The following SNX1 variants were observed in gnomAD, a reference collection of about 807,000 sequenced individuals.
SNX1 encodes sorting nexin-1.
SNX1 carries 36 observed loss-of-function variants against 71.8 expected under a neutral mutation model. The ratio of observed to expected loss-of-function variants is 0.50; its 90% CI spans 0.38 to 0.66. SNX1 has a LOEUF of 0.66. SNX1 is among the 30% of genes least tolerant of loss of function. SNX1 has a pLI of 0.00. For missense variants in SNX1, 612 were observed against 646.7 expected (o/e 0.95, Z 0.58); for synonymous variants, 254 against 240.7 (o/e 1.06, Z -0.51).
In SNX1 at chr15:64,096,086, T is replaced by G; in HGVS notation, c.73T>G (p.Ser25Ala). 6.4e-7 allele frequency: 1 copy of G among 1,573,716 alleles called. No homozygotes were observed. The highest frequency in any genetic ancestry group is 8.6e-7 in the Non-Finnish European group (1 of 1,162,676). ...PPPFPGLEPESEGAAGGSEPE... is the reference protein window; with the variant it reads ...PPPFPGLEPEAEGAAGGSEPE... ...GCCCTTCCCCGGCCTGGAGCCGGAG[T>G]CCGAGGGGGCGGCCGGGGGATCAGA... The change falls in exon 1 of 15, where the codon TCC becomes GCC. Residue 25 changes from serine (S) to alanine (A), a missense_variant. Physicochemically the swap from Ser to Ala is moderately conservative, Grantham distance 99. Transcript: ENST00000559844.
chr15:64,114,977 T>C (rs534109024), intron 2 of SNX1, among the ~76,000 whole-genome samples: 3 of 152,218 alleles, frequency 2.0e-5, no homozygotes, highest in South Asian at 2.1e-4. Flanking sequence ...CTCGTCTCTA[T>C]TAAAAAATAA....
At chr15:64,097,680 C>A (rs915775318) in intron 1 of SNX1, among the ~76,000 whole-genome samples, 2 of 152,136 alleles carry the variant, frequency 1.3e-5, no homozygotes, top group Non-Finnish European at 2.9e-5. Context: ...ATGTTTTGGG[C>A]TATTTTATGA....
chr15:64,112,728 C>A, intron 2 of SNX1, 44 bp downstream of exon 2: 1 of 1,257,072 alleles, frequency 8.0e-7, no homozygotes, highest in Non-Finnish European at 1.1e-6. Flanking sequence ...TCCTAAATGG[C>A]TTTGTTAAGT....
At chr15:64,109,668 C>T (rs1457031012) in intron 1 of SNX1, among the ~76,000 whole-genome samples, 1 of 151,944 alleles carries the variant, frequency 6.6e-6, no homozygotes, top group Non-Finnish European at 1.5e-5. Context: ...CCAACACACC[C>T]GGCTAATTTT....
intron 1 of SNX1, among the ~76,000 whole-genome samples, chr15:64,107,774 G>A (rs2081037421): frequency 1.3e-5 from 2 of 151,280 alleles, no homozygotes; most frequent in Admixed American, 1.3e-4. Context: ...GCGATTCTTT[G>A]GCATTATTTA....
intron 1 of SNX1, among the ~76,000 whole-genome samples, chr15:64,107,889 G>A (rs1460499920): frequency 6.6e-6 from 1 of 152,148 alleles, no homozygotes; most frequent in Non-Finnish European, 1.5e-5. Context: ...CTGCTAAGGA[G>A]TTTTTTAAAA....
chr15:64,124,972 C>T (rs547004989), intron 5 of SNX1, among the ~76,000 whole-genome samples: 1 of 152,260 alleles, frequency 6.6e-6, no homozygotes, highest in East Asian at 1.9e-4. Context: ...TGGTAGAAAT[C>T]TGCTTTGTAT....
At chr15:64,120,266 CTTTTTTTTTTT>C (rs35526278) in intron 4 of SNX1, among the ~76,000 whole-genome samples, 1 of 67,090 alleles carries the variant, frequency 1.5e-5, no homozygotes, top group Admixed American at 1.9e-4. Context: ...AAATGGTTGT[CTTTTTTTTTTT>C]TTTTTTTTTT....
intron 1 of SNX1, among the ~76,000 whole-genome samples, chr15:64,111,057 ACGT>A (rs1390582634): frequency 6.6e-6 from 1 of 152,214 alleles, no homozygotes; most frequent in Non-Finnish European, 1.5e-5. Flanking sequence ...AATCTCTCAT[ACGT>A]CTCCATTTGG....
At chr15:64,122,428 G>A (rs762595158) in intron 4 of SNX1, among the ~76,000 whole-genome samples, 1 of 152,116 alleles carries the variant, frequency 6.6e-6, no homozygotes, top group Non-Finnish European at 1.5e-5. Context: ...GGTAGGGGCT[G>A]GGGAAGTATA....
chr15:64,107,752 A>AG (rs1334922958), intron 1 of SNX1, among the ~76,000 whole-genome samples: 3 of 151,868 alleles, frequency 2.0e-5, no homozygotes, highest in Admixed American at 2.0e-4. Context: ...AAGGAAAAAA[A>AG]AAAAAGCAAG....
Position 64,136,343 on chromosome 15 carries a change from T to A in SNX1, c.1379T>A (p.Val460Glu). The change falls in exon 13 of 15, where the codon GTG (valine) becomes GAG (glutamate). Residue 460 changes from valine to glutamate, a missense_variant. Val to Glu is a moderately radical substitution (Grantham distance 121). This residue lies in a region of SNX1 where 296 missense variants were observed against 361.9 expected (regional missense o/e 0.82). Coordinates refer to ENST00000559844, the MANE Select transcript of SNX1 (RefSeq NM_003099.5). ...CTTTCTTCCCAGTGGGAGTCTCGGGTGACTCAATATGAAAGGGACTTCGAG... is the reference window on the plus strand; with the variant it reads ...CTTTCTTCCCAGTGGGAGTCTCGGGAGACTCAATATGAAAGGGACTTCGAG... Reference protein sequence around the residue: ...KDEILEWESRVTQYERDFERI... With the variant: ...KDEILEWESRETQYERDFERI... 3 of 1,613,438 alleles carry A rather than the reference T, an allele frequency of 1.9e-6. No homozygotes were observed. The highest frequency in any genetic ancestry group is 2.5e-6 in the Non-Finnish European group (3 of 1,179,364).
chr15:64,143,227 T>C lies in SNX1; in HGVS notation c.*5609T>C, dbSNP rs965141526. ...ACACTCTGTCTTTGGAGACACTGGC[T>C]AAGATTCTCTGCTCCATGTTTGGAC... On this transcript the variant is annotated 3_prime_UTR_variant, in exon 15 of 15. Coordinates refer to ENST00000559844, the MANE Select transcript of SNX1 (RefSeq NM_003099.5). 1.3e-5 allele frequency: 2 copies of C among 152,454 alleles called. No homozygotes were observed. Among genetic ancestry groups the C allele is most frequent in the African/African-American group, 4.8e-5 (2 of 41,456 alleles). 9.4% of individuals were successfully genotyped at this position (152,454 alleles called of 1,614,324 possible). A position where few individuals can be genotyped will look rare whatever the true frequency, so the allele number is the denominator to read the frequency against.
rs1596001471 is a variant in SNX1 at position 64,129,478 on chromosome 15, A to G, written c.808-438A>G. Among the ~76,000 whole-genome samples, 1 of 152,198 alleles carries G rather than the reference A, an allele frequency of 6.6e-6. No homozygotes were observed. The highest frequency in any genetic ancestry group is 1.5e-5 in the Non-Finnish European group (1 of 68,032). On this transcript the variant is annotated intron_variant, in intron 8 of 14. Transcript: ENST00000559844. This position sits in a 1 kb window ranked among gnomAD's most constrained non-coding sequence, Gnocchi z 4.4. ...ATCAATAATTTTCTTGTCCTCGGAT[A>G]TTTGTTCACTGAAGAAAATTCGAAC...
chr15:64,112,751 G>C, intron 2 of SNX1, 67 bp downstream of exon 2: 1 of 933,310 alleles, frequency 1.1e-6, no homozygotes, highest in Non-Finnish European at 1.6e-6. Flanking sequence ...CTGAGTTAAA[G>C]TCAAAACCAA....
Position 64,134,981 on chromosome 15 carries a change from G to A in SNX1, c.1365+174G>A. 1 of 743,392 alleles carries A rather than the reference G, an allele frequency of 1.3e-6. No homozygotes were observed. The allele number at this position is 743,392 out of a possible 1,614,324, so 46.0% of individuals were successfully genotyped here. A position where few individuals can be genotyped will look rare whatever the true frequency, so the allele number is the denominator to read the frequency against. On this transcript the variant is annotated intron_variant, in intron 12 of 14. Transcript: ENST00000559844. This position sits in a 1 kb window ranked among gnomAD's most constrained non-coding sequence, Gnocchi z 4.1. ...TGACTCCAGGCCTTCCTGAGGCCTA[G>A]TCCCCCTGTTCTTTTTCTACTCTAC...
In SNX1 at chr15:64,140,225, T is replaced by A. The variant is rs2081399660; in HGVS notation, c.*2607T>A. 6.6e-6 allele frequency: 1 copy of A among 152,278 alleles called. No homozygotes were observed. Among genetic ancestry groups the A allele is most frequent in the South Asian group, 2.1e-4 (1 of 4,836 alleles). The allele number at this position is 152,278 out of a possible 1,614,324, so 9.4% of individuals were successfully genotyped here. A position where few individuals can be genotyped will look rare whatever the true frequency, so the allele number is the denominator to read the frequency against. ...TGACCAACATGATTTCCTAACTCCATAATGCCTTCTACATTTATTGGTTGA... is the reference window on the plus strand; with the variant it reads ...TGACCAACATGATTTCCTAACTCCAAAATGCCTTCTACATTTATTGGTTGA... On this transcript the variant is annotated 3_prime_UTR_variant, in exon 15 of 15. Transcript: ENST00000559844.
At position 64,141,510 on chromosome 15, in the gene SNX1, G is replaced by A. The variant is rs1224157297; in HGVS notation, c.*3892G>A. On this transcript the variant is annotated 3_prime_UTR_variant, in exon 15 of 15. Transcript: ENST00000559844. The surrounding 1 kb of genome is among the most constrained non-coding windows in gnomAD (Gnocchi z 5.1). ...CTGGGGACCCAGGAGGGAGGACTTT[G>A]TGGAGAACCTGATGCTTGAACTGAG... 1.3e-5 allele frequency: 2 copies of A among 152,370 alleles called. No homozygotes were observed. The highest frequency in any genetic ancestry group is 2.4e-5 in the African/African-American group (1 of 41,466). The allele number at this position is 152,370 out of a possible 1,614,324, so 9.4% of individuals were successfully genotyped here.
intron 4 of SNX1, among the ~76,000 whole-genome samples, chr15:64,120,004 A>T (rs901560934): frequency 3.1e-4 from 47 of 152,286 alleles, no homozygotes; most frequent in African/African-American, 1.1e-3. Context: ...CAAAAAGCAT[A>T]ACACTTAACT....
Sources: allele counts gnomAD v4.1 joint callset (sites outside exome capture counted in the v4.1 genomes callset), GRCh38; gene constraint gnomAD v4.1.1; regional missense constraint gnomAD v4.1.1; non-coding constraint Gnocchi (gnomAD v3.1); transcripts MANE v1.5; gene names NCBI Gene and HGNC (gene_info 2026-07-23, HGNC 2026-07-21).